The following CPM variants were observed in gnomAD, a reference collection of about 807,000 sequenced individuals.
CPM encodes renal carboxypeptidase.
CPM carries 35 observed loss-of-function variants against 46.4 expected under a neutral mutation model. The observed-to-expected ratio is 0.75, with a 90% CI of 0.58 to 1.00. The LOEUF is 1.00. Ranked by LOEUF, CPM falls within the 50% of genes least tolerant of loss-of-function variation. CPM has a pLI of 0.00. For synonymous variants in CPM, 195 were observed against 195.3 expected, an observed-to-expected ratio of 1.00 and a Z score of 0.01; for missense variants, 422 against 530.4, an observed-to-expected ratio of 0.80 and a Z score of 2.01.
chr12:68,889,724 T>C (rs1428264430), intron 2 of CPM, among the ~76,000 whole-genome samples: 1 of 151,952 alleles, frequency 6.6e-6, no homozygotes, highest in African/African-American at 2.4e-5. Context: ...AGCTACGCGG[T>C]ATAAGATTCT....
intron 1 of CPM, among the ~76,000 whole-genome samples, chr12:68,947,873 T>C (rs181786497): frequency 2.0e-5 from 3 of 152,162 alleles, no homozygotes; most frequent in East Asian, 1.9e-4. Context: ...GTCTAGAAAT[T>C]AGATTTTTAT....
At chr12:68,886,422 GGAGATC>G (rs1382151826) in intron 2 of CPM, among the ~76,000 whole-genome samples, 1 of 152,022 alleles carries the variant, frequency 6.6e-6, no homozygotes, top group Non-Finnish European at 1.5e-5. Flanking sequence ...CACGAGGTCA[GGAGATC>G]GAGACCATCC....
At chr12:68,921,633 G>C (rs1888047384) in intron 2 of CPM, among the ~76,000 whole-genome samples, 1 of 152,120 alleles carries the variant, frequency 6.6e-6, no homozygotes, top group Non-Finnish European at 1.5e-5. Context: ...ACTTCTCTGA[G>C]GCCTTCTCCT....
intron 2 of CPM, among the ~76,000 whole-genome samples, chr12:68,928,932 A>T (rs1272646669): frequency 6.6e-6 from 1 of 150,842 alleles, no homozygotes; most frequent in Non-Finnish European, 1.5e-5. Context: ...TTTTTTTAAG[A>T]AATGGAGTCT....
intron 1 of CPM, among the ~76,000 whole-genome samples, chr12:68,960,632 T>G (rs1284658108): frequency 3.9e-5 from 6 of 152,200 alleles, no homozygotes; most frequent in Non-Finnish European, 8.8e-5. Flanking sequence ...AGCAAGATAA[T>G]TCGCAGGGCC....
chr12:68,918,333 T>C (rs1887895395), intron 2 of CPM, among the ~76,000 whole-genome samples: 1 of 152,206 alleles, frequency 6.6e-6, no homozygotes, highest in Admixed American at 6.5e-5. Flanking sequence ...ATACCATTTC[T>C]ATGTTGATGA....
At chr12:68,856,960 G>C (rs1175394602) in intron 8 of CPM, among the ~76,000 whole-genome samples, 4 of 152,202 alleles carry the variant, frequency 2.6e-5, no homozygotes, top group South Asian at 2.1e-4. Context: ...GGAAGCAGCA[G>C]ATGTTTCTGC....
chr12:68,931,931 T>C (rs1888527899), intron 2 of CPM, among the ~76,000 whole-genome samples: 1 of 152,054 alleles, frequency 6.6e-6, no homozygotes, highest in Non-Finnish European at 1.5e-5. Context: ...AAAATGAAAA[T>C]AACTTTATGT....
At chr12:68,954,002 G>C (rs184713088) in intron 1 of CPM, among the ~76,000 whole-genome samples, 1 of 152,110 alleles carries the variant, frequency 6.6e-6, no homozygotes, top group South Asian at 2.1e-4. Flanking sequence ...TTCTATTTTT[G>C]TTAGGCTTTT....
Position 68,856,359 on chromosome 12 carries a change from T to G in CPM, c.*78A>C. ...TTCTCCAGTCAAGGTCCCACTAGAGTGAGTTAGGGTTGCAGTAACCTGGAG... is the reference window on the plus strand; with the variant it reads ...TTCTCCAGTCAAGGTCCCACTAGAGGGAGTTAGGGTTGCAGTAACCTGGAG... On this transcript the variant is annotated 3_prime_UTR_variant, in exon 9 of 9. Coordinates refer to ENST00000551568, the MANE Select transcript of CPM (RefSeq NM_198320.5). 14 of 1,479,978 alleles carry G rather than the reference T, an allele frequency of 9.5e-6. No individual in the cohort carries two copies. The highest frequency in any genetic ancestry group is 1.4e-5 in the African/African-American group (1 of 71,216). 91.7% of individuals were successfully genotyped at this position (1,479,978 alleles called of 1,614,324 possible).
chr12:68,867,767 G>C (rs1885518555), intron 6 of CPM, among the ~76,000 whole-genome samples: 2 of 152,176 alleles, frequency 1.3e-5, no homozygotes, highest in African/African-American at 2.4e-5. Flanking sequence ...CCGGCCCCCT[G>C]TGGAGCCCAG....
At chr12:68,959,687 A>G (rs569972519) in intron 1 of CPM, among the ~76,000 whole-genome samples, 3 of 152,200 alleles carry the variant, frequency 2.0e-5, no homozygotes, top group Non-Finnish European at 4.4e-5. Context: ...GGGTGAAGAG[A>G]GGGTTTGCTG....
At chr12:68,878,490 T>C (rs1054870398) in intron 3 of CPM, among the ~76,000 whole-genome samples, 7 of 152,154 alleles carry the variant, frequency 4.6e-5, no homozygotes, top group Admixed American at 1.3e-4. Flanking sequence ...AACTGGCTCA[T>C]CTGGTCTTGT....
Position 68,859,069 on chromosome 12 carries a change from C to T in CPM, c.943G>A (p.Val315Ile), listed in dbSNP as rs1159564390. The T allele has an allele frequency of 2.7e-6, 4 of 1,481,752 alleles. No individual in the cohort carries two copies. Among genetic ancestry groups the T allele is most frequent in the Admixed American group, 4.7e-5 (2 of 42,408 alleles). 91.8% of individuals were successfully genotyped at this position (1,481,752 alleles called of 1,614,324 possible). ...TTCTGATCAAAAACTTGACCCTTTACACCTGCAAGACAAAAATAAAATTAA... is the reference window on the plus strand; with the variant it reads ...TTCTGATCAAAAACTTGACCCTTTATACCTGCAAGACAAAAATAAAATTAA... ...IEYIKQVHLGVKGQVFDQNGN... is the reference protein window; with the variant it reads ...IEYIKQVHLGIKGQVFDQNGN... The change falls in exon 8 of 9, where the codon GTA (valine) becomes ATA (isoleucine). Residue 315 changes from valine (V) to isoleucine (I), a missense_variant and splice_region_variant. Val to Ile is a conservative substitution (Grantham distance 29). Transcript: ENST00000551568.
chr12:68,882,392 T>C (rs1454479719), intron 3 of CPM, among the ~76,000 whole-genome samples: 1 of 144,682 alleles, frequency 6.9e-6, no homozygotes, highest in Non-Finnish European at 1.5e-5. Flanking sequence ...AGCAAGTGCA[T>C]GATCTTGTTC....
At chr12:68,903,977 C>T (rs1369838360) in intron 2 of CPM, among the ~76,000 whole-genome samples, 1 of 152,106 alleles carries the variant, frequency 6.6e-6, no homozygotes, top group Admixed American at 6.5e-5. Flanking sequence ...GCCTGGAACT[C>T]CTGGGCTCAG....
intron 6 of CPM, among the ~76,000 whole-genome samples, chr12:68,868,233 G>T (rs1223265803): frequency 6.6e-6 from 1 of 152,130 alleles, no homozygotes; most frequent in African/African-American, 2.4e-5. Flanking sequence ...TAGGAGAGGG[G>T]GCTGTATCTT....
intron 7 of CPM, among the ~76,000 whole-genome samples, chr12:68,861,797 G>A (rs1484804943): frequency 2.0e-5 from 3 of 151,384 alleles, no homozygotes; most frequent in Admixed American, 1.3e-4. Flanking sequence ...CAAAGTGCTG[G>A]GATTACAGGC....
rs1197788428 is a variant in CPM at position 68,854,257 on chromosome 12, G to A, written c.*2180C>T. ...CCTAGGCAGTTTCTGGGAAGGACTG[G>A]GAGTAGCAGTCTCCTGGCACCCCTT... On this transcript the variant is annotated 3_prime_UTR_variant, in exon 9 of 9. Coordinates refer to ENST00000551568, the MANE Select transcript of CPM (RefSeq NM_198320.5). 1.3e-5 allele frequency: 2 copies of A among 152,178 alleles called. No homozygotes were observed. The highest frequency in any genetic ancestry group is 4.8e-5 in the African/African-American group (2 of 41,418). The allele number at this position is 152,178 out of a possible 1,614,324, so 9.4% of individuals were successfully genotyped here.
Sources: allele counts gnomAD v4.1 joint callset (sites outside exome capture counted in the v4.1 genomes callset), GRCh38; gene constraint gnomAD v4.1.1; transcripts MANE v1.5; gene names NCBI Gene and HGNC (gene_info 2026-07-23, HGNC 2026-07-21).